Variants in PPRC1 observed in about 807,000 individuals in gnomAD.
PPRC1 encodes PPARG related coactivator 1.
In PPRC1, 23 loss-of-function variants were observed where a neutral mutation model predicts 132.5. The ratio of observed to expected loss-of-function variants is 0.17; its 90% CI spans 0.12 to 0.25. The LOEUF (loss-of-function observed/expected upper bound fraction) is 0.25, where lower values mean the gene tolerates loss of function less well. Among genes scored for constraint, PPRC1 ranks in the 10% least tolerant of loss-of-function variants. The pLI is 1.00. For missense variants in PPRC1, 2,006 were observed against 2,089.1 expected (o/e 0.96, Z 0.78); for synonymous variants, 872 against 833.5 (o/e 1.05, Z -0.80).
rs372679125 is a variant in PPRC1, at chr10:102,139,859, C to T, written c.1351C>T (p.Pro451Ser). Residue 451 changes from proline (P) to serine (S), a missense_variant, in exon 5 of 14, where the codon CCA becomes TCA. By Grantham distance (74) the Pro-to-Ser change is moderately conservative (BLOSUM62 -1). This residue lies in a region of PPRC1 where 1,914 missense variants were observed against 1,917.2 expected (regional missense o/e 1.00). Transcript: ENST00000278070. ...EPQNPPANAA[P>S]GSQRARKGRK... The stretch of plus-strand genomic sequence containing the variant: ...TCAGAACCCACCTGCCAATGCAGCA[C>T]CAGGTTCCCAGAGAGCTCGAAAGGG... 7 of 1,614,086 alleles carry T rather than the reference C, an allele frequency of 4.3e-6. No individual in the cohort carries two copies. The African/African-American group carries it at 6.7e-5, about 15-fold the overall frequency.
At chr10:102,132,203 T>C (rs2068555620), upstream of PPRC1, among the ~76,000 whole-genome samples, 2 of 152,258 alleles carry the variant, frequency 1.3e-5, no homozygotes, top group South Asian at 4.1e-4. Flanking sequence ...ACTACTTTTT[T>C]TCCTCTAAAC....
Position 102,139,989 on chromosome 10 carries a change from C to A in PPRC1, c.1481C>A (p.Thr494Asn). ...RGQSTVGTEV[T>N]SQVDNLQKQP... ...CAGTCTACTGTAGGTACAGAAGTGA[C>A]CTCTCAGGTAGACAACTTGCAGAAA... The change falls in exon 5 of 14, where the codon ACC becomes AAC. Residue 494 changes from threonine (T) to asparagine (N), a missense_variant. Physicochemically the swap from Thr to Asn is moderately conservative, Grantham distance 65 (BLOSUM62 0). Coordinates refer to ENST00000278070, the MANE Select transcript of PPRC1 (RefSeq NM_015062.5). 1 of 1,614,202 alleles carries A rather than the reference C, an allele frequency of 6.2e-7. No homozygotes were observed. The highest frequency in any genetic ancestry group is 8.5e-7 in the Non-Finnish European group (1 of 1,180,040).
chr10:102,146,122 G>A (rs1358356687), intron 8 of PPRC1, among the ~76,000 whole-genome samples: 1 of 152,200 alleles, frequency 6.6e-6, no homozygotes, highest in Non-Finnish European at 1.5e-5. Flanking sequence ...GATCAGGGCA[G>A]TGGGCAGAGG....
chr10:102,127,832 G>A, the PPRC1 span, among the ~76,000 whole-genome samples: 1 of 151,660 alleles, frequency 6.6e-6, no homozygotes, highest in African/African-American at 2.4e-5. Flanking sequence ...GATTACAGGC[G>A]TGAGCCACCG....
Position 102,148,510 on chromosome 10 carries a change from C to T in PPRC1, c.4539C>T (p.Asp1513=), listed in dbSNP as rs747783259. 1 of 1,613,466 alleles carries T rather than the reference C, an allele frequency of 6.2e-7. No homozygotes were observed. The highest frequency in any genetic ancestry group is 1.1e-5 in the South Asian group (1 of 91,068). The change falls in exon 10 of 14, where the codon GAC becomes GAT. Residue 1513 remains aspartate (D), a synonymous_variant. Coordinates refer to ENST00000278070, the MANE Select transcript of PPRC1 (RefSeq NM_015062.5). The surrounding 1 kb of genome is among the most constrained non-coding windows in gnomAD (Gnocchi z 4.2). ...CCCCATCCCCCCGCCGGAGAAGTGA[C>T]AGGAGGCGGCGGTGAGCATGTGTTC... The part of the protein sequence containing the change: ...SRSPSPRRRS[D]RRRRYSSYRS...
upstream of PPRC1, among the ~76,000 whole-genome samples, chr10:102,128,058 G>C (rs899465215): frequency 6.6e-6 from 1 of 152,100 alleles, no homozygotes; most frequent in African/African-American, 2.4e-5. Flanking sequence ...GGCTTGACTG[G>C]TGTTGGAGAA....
upstream of PPRC1, among the ~76,000 whole-genome samples, chr10:102,130,391 T>A (rs1462754054): frequency 4.5e-5 from 5 of 111,032 alleles, no homozygotes; most frequent in Non-Finnish European, 8.4e-5. Flanking sequence ...CACTCCAGCC[T>A]GGGTGACAGA....
Position 102,141,730 on chromosome 10 carries a change from G to T in PPRC1, c.3222G>T (p.Val1074=). ...PHPKHKVSAL[V]QSPQMKALAC... ...CGAAACACAAGGTGTCTGCCCTGGT[G>T]CAAAGTCCCCAGATGAAGGCTCTAG... Residue 1074 remains valine (V), a synonymous_variant, in exon 5 of 14, where the codon GTG becomes GTT. Coordinates refer to ENST00000278070, the MANE Select transcript of PPRC1 (RefSeq NM_015062.5). 1.2e-6 allele frequency: 2 copies of T among 1,613,954 alleles called. No individual in the cohort carries two copies. Among genetic ancestry groups the T allele is most frequent in the Non-Finnish European group, 1.7e-6 (2 of 1,179,920 alleles).
At position 102,140,983 on chromosome 10, in the gene PPRC1, C is replaced by T. The variant is rs746579468; in HGVS notation, c.2475C>T (p.Ser825=). Residue 825 remains serine (S), a synonymous_variant, in exon 5 of 14, where the codon AGC becomes AGT. Transcript: ENST00000278070. ...LEICLVPVGP[S]PASPSPEPPV... ...TTTGCCTTGTGCCTGTAGGTCCCAG[C>T]CCTGCTTCTCCTAGTCCTGAGCCAC... The T allele has an allele frequency of 5.0e-6, 8 of 1,613,924 alleles. No homozygotes were observed. The highest frequency in any genetic ancestry group is 1.7e-5 in the Admixed American group (1 of 60,010).
chr10:102,149,436 C>G, intron 13 of PPRC1, 107 bp downstream of exon 13: 1 of 1,304,236 alleles, frequency 7.7e-7, no homozygotes, highest in Non-Finnish European at 1.0e-6. Flanking sequence ...GTTTGACATA[C>G]AAAGAACCCA....
rs776761013 is a variant in PPRC1, at chr10:102,148,535, C to G, written c.4550+14C>G. The stretch of plus-strand genomic sequence containing the variant: ...CAGGAGGCGGCGGTGAGCATGTGTT[C>G]AGGGAGCGCCATGCACCTGGGATGC... On this transcript the variant is annotated intron_variant, in intron 10 of 13. Transcript: ENST00000278070. The surrounding 1 kb of genome is among the most constrained non-coding windows in gnomAD (Gnocchi z 4.2). The G allele has an allele frequency of 8.1e-6, 13 of 1,612,590 alleles. No homozygotes were observed. Among genetic ancestry groups the G allele is most frequent in the South Asian group, 2.2e-5 (2 of 91,060 alleles).
intron 7 of PPRC1, chr10:102,144,770 C>G: frequency 1.9e-6 from 1 of 528,232 alleles, no homozygotes; most frequent in Non-Finnish European, 3.4e-6. Flanking sequence ...AGGTGAGACT[C>G]GATGTGAAGG....
upstream of PPRC1, among the ~76,000 whole-genome samples, chr10:102,128,053 G>C (rs1011856205): frequency 1.3e-5 from 2 of 152,146 alleles, no homozygotes; most frequent in Non-Finnish European, 2.9e-5. Flanking sequence ...CTTAAGGCTT[G>C]ACTGGTGTTG....
Position 102,134,589 on chromosome 10 carries a change from G to T in PPRC1, c.153+1368G>T, listed in dbSNP as rs139535219. On this transcript the variant is annotated intron_variant, in intron 1 of 13. Coordinates refer to ENST00000278070, the MANE Select transcript of PPRC1 (RefSeq NM_015062.5). ...CTGCCTGGTAATATCAGGTCCGGCA[G>T]ACCAATCCAGGCCCTTGCCCAGGGG... is the stretch of plus-strand genomic sequence containing the variant. Among the ~76,000 whole-genome samples the T allele has an allele frequency of 4.5e-3, 681 of 152,300 alleles. 8 individuals carry two copies. Among genetic ancestry groups the T allele is most frequent in the African/African-American group, 0.015 (612 of 41,560 alleles).
chr10:102,142,300 AC>A (rs2069019639), intron 5 of PPRC1, among the ~76,000 whole-genome samples: 1 of 117,686 alleles, frequency 8.5e-6, no homozygotes, highest in South Asian at 3.2e-4. Flanking sequence ...ACGAGGTTTC[AC>A]TATGTTGGCC....
chr10:102,144,247 C>A lies in PPRC1; in HGVS notation c.3551-3C>A. On this transcript the variant is annotated splice_region_variant and splice_polypyrimidine_tract_variant and intron_variant, in intron 6 of 13. Transcript: ENST00000278070. ...GCTTTTAACTAGTATGGTTTCTTTG[C>A]AGCCAAAAAGGAGTGTCCTCCTCCG... The A allele has an allele frequency of 6.2e-7, 1 of 1,614,080 alleles. No individual in the cohort carries two copies. Among genetic ancestry groups the A allele is most frequent in the Non-Finnish European group, 8.5e-7 (1 of 1,179,952 alleles).
At chr10:102,121,142 G>C in the PPRC1 span, among the ~76,000 whole-genome samples, 4 of 152,240 alleles carry the variant, frequency 2.6e-5, no homozygotes, top group East Asian at 1.9e-4. Flanking sequence ...TGTTTTGCTG[G>C]GGGGAGGGGG....
intron 5 of PPRC1, among the ~76,000 whole-genome samples, 163 bp downstream of exon 5, chr10:102,142,167 A>C (rs2133667183): frequency 6.6e-6 from 1 of 152,228 alleles, no homozygotes; most frequent in Non-Finnish European, 1.5e-5. Context: ...GCTGGAGTGC[A>C]GTGGTGCAAT....
chr10:102,146,585 G>C, intron 8 of PPRC1, 87 bp from the exon 9 acceptor site: 1 of 1,478,772 alleles, frequency 6.8e-7, no homozygotes. Flanking sequence ...GAGATGAGGT[G>C]GGGGTCTCTG....
Sources: gnomAD v4.1 joint callset for allele counts (sites outside exome capture counted in the v4.1 genomes callset) on GRCh38, gnomAD v4.1.1 for gene constraint, gnomAD v4.1.1 regional missense constraint, Gnocchi (gnomAD v3.1) non-coding constraint, MANE v1.5 for transcripts, NCBI Gene and HGNC (gene_info 2026-07-23, HGNC 2026-07-21) for gene names.